LAMC1: variants seen among roughly 807,000 people sequenced by gnomAD.
LAMC1 encodes laminin subunit gamma-1.
A neutral mutation model predicts 173.6 loss-of-function variants in LAMC1; 38 were observed. The observed-to-expected ratio is 0.22, with a 90% confidence interval of 0.17 to 0.29. LAMC1 has a LOEUF of 0.29. Ranked by LOEUF, LAMC1 falls within the 10% of genes least tolerant of loss-of-function variation. The probability of loss-of-function intolerance (pLI) is 1.00; values close to 1 mark genes in which losing one functional copy is unlikely to be tolerated. For synonymous variants in LAMC1, 746 were observed against 749.1 expected, an observed-to-expected ratio of 1.00 and a Z score of 0.07; for missense variants, 1,824 against 2,051.8, an observed-to-expected ratio of 0.89 and a Z score of 2.14.
chr1:183,132,698 G>T (rs562171118), intron 21 of LAMC1, among the ~76,000 whole-genome samples, 161 bp downstream of exon 21: 1 of 152,162 alleles, frequency 6.6e-6, no homozygotes. Context: ...GTAGAGAAGG[G>T]CATGTGAAGC....
At chr1:183,103,671 A>G in intron 2 of LAMC1, 39 bp downstream of exon 2, 1 of 1,503,730 alleles carries the variant, frequency 6.7e-7, no homozygotes, top group Non-Finnish European at 8.9e-7. Flanking sequence ...AGCTAGTTCT[A>G]CAACATGCGA....
chr1:183,081,549 A>AAAATAAAT (rs71127333), intron 1 of LAMC1, among the ~76,000 whole-genome samples: 21 of 139,638 alleles, frequency 1.5e-4, no homozygotes, highest in Non-Finnish European at 2.9e-4. Flanking sequence ...CTCCGCCTCA[A>AAAATAAAT]AAATAAATAA....
At chr1:183,130,783 A>G (rs771753311) in intron 19 of LAMC1, among the ~76,000 whole-genome samples, 2 of 152,240 alleles carry the variant, frequency 1.3e-5, no homozygotes, top group Non-Finnish European at 2.9e-5. Flanking sequence ...TGTTCCTTCT[A>G]TGGAACTAGG....
chr1:183,063,451 G>A (rs1395919265), intron 1 of LAMC1, among the ~76,000 whole-genome samples: 1 of 152,194 alleles, frequency 6.6e-6, no homozygotes, highest in Admixed American at 6.5e-5. Flanking sequence ...ACATACCCTG[G>A]TAGTGAGAAC....
chr1:183,082,572 A>G (rs946243630), intron 1 of LAMC1, among the ~76,000 whole-genome samples: 3 of 152,294 alleles, frequency 2.0e-5, no homozygotes, highest in Admixed American at 2.0e-4. Context: ...GGGCTTCCCA[A>G]TGTTTTCCCA....
intron 4 of LAMC1, among the ~76,000 whole-genome samples, chr1:183,111,081 A>G (rs1656134973): frequency 6.8e-6 from 1 of 148,128 alleles, no homozygotes. Context: ...TTCCAAGATT[A>G]TTTCTTTTTT....
In LAMC1 at chr1:183,143,069, C is replaced by T. The variant is rs17536791; in HGVS notation, c.*279C>T. ...ATTTGCGTGAGGACGTGGCATCCTA[C>T]GTTACTGTACAGTGGCATAAGCACA... On this transcript the variant is annotated 3_prime_UTR_variant, in exon 28 of 28. Transcript: ENST00000258341. 10,200 of 363,520 alleles carry T rather than the reference C, an allele frequency of 0.028. 209 individuals are homozygous for T. The highest frequency in any genetic ancestry group is 0.035 in the Non-Finnish European group (6,895 of 195,148). The allele number at this position is 363,520 out of a possible 1,614,324, so 22.5% of individuals were successfully genotyped here. A position where few individuals can be genotyped will look rare whatever the true frequency, so the allele number is the denominator to read the frequency against.
At chr1:183,090,092 T>G (rs765563457) in intron 1 of LAMC1, among the ~76,000 whole-genome samples, 3 of 152,244 alleles carry the variant, frequency 2.0e-5, no homozygotes, top group African/African-American at 2.4e-5. Context: ...CAGAACTTTT[T>G]TGTCTATAAA....
intron 1 of LAMC1, among the ~76,000 whole-genome samples, chr1:183,083,699 A>G (rs190782628): frequency 6.6e-6 from 1 of 152,346 alleles, no homozygotes; most frequent in Non-Finnish European, 1.5e-5. Context: ...TAAAATATTT[A>G]TTCATTTACA....
At chr1:183,025,058 A>G (rs1653648945) in intron 1 of LAMC1, among the ~76,000 whole-genome samples, 1 of 152,230 alleles carries the variant, frequency 6.6e-6, no homozygotes, top group Admixed American at 6.5e-5. Context: ...AGAGGAATCT[A>G]TGTGTGAGAA....
intron 4 of LAMC1, among the ~76,000 whole-genome samples, chr1:183,112,445 C>T (rs1656187600): frequency 6.6e-6 from 1 of 152,100 alleles, no homozygotes; most frequent in Non-Finnish European, 1.5e-5. Context: ...AGTACTGTAG[C>T]TAAAGGACTT....
At chr1:183,028,563 C>A (rs1255772677) in intron 1 of LAMC1, among the ~76,000 whole-genome samples, 1 of 152,224 alleles carries the variant, frequency 6.6e-6, no homozygotes, top group Non-Finnish European at 1.5e-5. Flanking sequence ...TGCCTAAAGT[C>A]ATGTGGGAGA....
rs1390207578 is a variant in LAMC1 at position 183,137,822 on chromosome 1, G to C, written c.4468G>C (p.Gly1490Arg). 7.5e-6 allele frequency: 12 copies of C among 1,599,102 alleles called. No homozygotes were observed. Among genetic ancestry groups the C allele is most frequent in the Non-Finnish European group, 1.0e-5 (12 of 1,173,268 alleles). The change falls in exon 26 of 28, where the codon GGG becomes CGG. Residue 1490 changes from glycine to arginine, a missense_variant. Gly to Arg is a moderately radical substitution (Grantham distance 125, BLOSUM62 -2). Coordinates refer to ENST00000258341, the MANE Select transcript of LAMC1 (RefSeq NM_002293.4). ...CGCTGACCAGGACATGATGATGGCAGGGATGGTAAGAGGTTTTGGTATATT... is the reference window on the plus strand; with the variant it reads ...CGCTGACCAGGACATGATGATGGCACGGATGGTAAGAGGTTTTGGTATATT... ...DDADQDMMMA[G>R]MASQAAQEAE...
At position 183,125,017 on chromosome 1, in the gene LAMC1, G is replaced by A. The variant is rs1656581410; in HGVS notation, c.2647+141G>A. On this transcript the variant is annotated intron_variant, in intron 14 of 27. Transcript: ENST00000258341. Reference sequence around the variant, plus strand: ...CGCTTTTGTCTTTTAAAATTTTCTAGTCACCACATTAAAAAAGTATAAAGA... The same window carrying A: ...CGCTTTTGTCTTTTAAAATTTTCTAATCACCACATTAAAAAAGTATAAAGA... 5.4e-6 allele frequency: 6 copies of A among 1,117,560 alleles called. No homozygotes were observed. The African/African-American group carries it at 7.9e-5, about 15-fold the overall frequency. The allele number at this position is 1,117,560 out of a possible 1,614,324, so 69.2% of individuals were successfully genotyped here.
chr1:183,062,541 A>G (rs1654768190), intron 1 of LAMC1, among the ~76,000 whole-genome samples: 1 of 152,138 alleles, frequency 6.6e-6, no homozygotes, highest in Non-Finnish European at 1.5e-5. Context: ...AGTCTCAGCT[A>G]CTCGGGAGGC....
chr1:183,031,202 G>A (rs1653840120), intron 1 of LAMC1, among the ~76,000 whole-genome samples: 1 of 152,218 alleles, frequency 6.6e-6, no homozygotes, highest in African/African-American at 2.4e-5. Context: ...TGTAAATGTA[G>A]AGTACGGTAT....
At chr1:183,072,961 G>A (rs1019256251) in intron 1 of LAMC1, among the ~76,000 whole-genome samples, 9 of 152,140 alleles carry the variant, frequency 5.9e-5, no homozygotes, top group Non-Finnish European at 1.3e-4. Context: ...CTACTTTATG[G>A]TTAGTTGCAT....
chr1:183,042,067 A>G (rs1365598865), intron 1 of LAMC1, among the ~76,000 whole-genome samples: 2 of 152,192 alleles, frequency 1.3e-5, no homozygotes, highest in African/African-American at 4.8e-5. Flanking sequence ...GAGCCCCAGT[A>G]TAAAGTAATA....
At chr1:183,134,306 G>T (rs1474355794) in intron 22 of LAMC1, among the ~76,000 whole-genome samples, 1 of 152,176 alleles carries the variant, frequency 6.6e-6, no homozygotes, top group African/African-American at 2.4e-5. Flanking sequence ...GGCAGAATTA[G>T]TCTATGATGA....
Sources: gnomAD v4.1 joint callset for allele counts (sites outside exome capture counted in the v4.1 genomes callset) on GRCh38, gnomAD v4.1.1 for gene constraint, MANE v1.5 for transcripts, NCBI Gene and HGNC (gene_info 2026-07-23, HGNC 2026-07-21) for gene names.